Variants in SLCO1B1 observed in about 807,000 individuals in gnomAD.
SLCO1B1 encodes the protein OATP-2.
A neutral mutation model predicts 70.1 loss-of-function variants in SLCO1B1; 81 were observed. The ratio of observed to expected loss-of-function variants is 1.16; its 90% CI spans 0.97 to 1.39. The LOEUF is 1.39. Among genes scored for constraint, SLCO1B1 ranks in the 40% most tolerant of loss-of-function variants. The probability of loss-of-function intolerance (pLI) is 0.00; values close to 1 mark genes in which losing one functional copy is unlikely to be tolerated. For missense variants in SLCO1B1, 895 were observed against 799.6 expected, an observed-to-expected ratio of 1.12 and a Z score of -1.44; for synonymous variants, 283 against 271.5, an observed-to-expected ratio of 1.04 and a Z score of -0.42.
intron 2 of SLCO1B1, among the ~76,000 whole-genome samples, chr12:21,142,116 A>G (rs1302922292): frequency 6.6e-6 from 1 of 151,704 alleles, no homozygotes; most frequent in Non-Finnish European, 1.5e-5. Context: ...CTGATAAGTA[A>G]TTTAGGCTCA....
At chr12:21,198,374 A>C (rs867881114) in intron 8 of SLCO1B1, among the ~76,000 whole-genome samples, 2 of 152,108 alleles carry the variant, frequency 1.3e-5, no homozygotes, top group Admixed American at 6.6e-5. Context: ...TTAAAATTTA[A>C]CATTCACACT....
At position 21,232,313 on chromosome 12, in the gene SLCO1B1, C is replaced by T. The variant is rs114798748; in HGVS notation, c.1866-6666C>T. Among the ~76,000 whole-genome samples, 1,367 of 152,230 alleles carry T rather than the reference C, an allele frequency of 9.0e-3. 18 individuals carry two copies. The highest frequency in any genetic ancestry group is 0.03 in the African/African-American group (1,246 of 41,530). ...AAGCTTGCAAAGGCTTTTAACTGCT[C>T]GAGATAATTTTTAGAGCTAACTATG... On this transcript the variant is annotated intron_variant, in intron 14 of 14. Transcript: ENST00000256958.
chr12:21,134,091 C>T (rs554429522), intron 1 of SLCO1B1, among the ~76,000 whole-genome samples: 110 of 152,246 alleles, frequency 7.2e-4, no homozygotes, highest in African/African-American at 2.6e-3. Flanking sequence ...TTGAGATGAT[C>T]ATGTAGTTTT....
rs376996580 is a variant in SLCO1B1 at position 21,178,671 on chromosome 12, C to A, written c.577C>A (p.Leu193Ile). The A allele has an allele frequency of 6.2e-7, 1 of 1,606,556 alleles. No individual in the cohort carries two copies. The highest frequency in any genetic ancestry group is 8.5e-7 in the Non-Finnish European group (1 of 1,173,204). The change falls in exon 6 of 15, where the codon CTT (leucine) becomes ATT (isoleucine). Residue 193 changes from leucine (L) to isoleucine (I), a missense_variant. Coordinates refer to ENST00000256958, the MANE Select transcript of SLCO1B1 (RefSeq NM_006446.5). ...IGETPIVPLG[L>I]SYIDDFAKEG... ...GGAGACTCCCATAGTACCATTGGGG[C>A]TTTCTTACATTGATGATTTCGCTAA...
chr12:21,235,354 A>C (rs1032539842), intron 14 of SLCO1B1, among the ~76,000 whole-genome samples: 1 of 151,060 alleles, frequency 6.6e-6, no homozygotes, highest in African/African-American at 2.4e-5. Flanking sequence ...ATTTGATACA[A>C]AGAGAGGAAT....
At chr12:21,139,280 G>A (rs887764584) in intron 1 of SLCO1B1, among the ~76,000 whole-genome samples, 1 of 151,838 alleles carries the variant, frequency 6.6e-6, no homozygotes, top group Admixed American at 6.6e-5. Context: ...TTAATCAAAG[G>A]GCAGCTTATT....
intron 7 of SLCO1B1, among the ~76,000 whole-genome samples, chr12:21,192,690 T>C (rs1436134787): frequency 1.3e-5 from 2 of 152,028 alleles, no homozygotes; most frequent in Non-Finnish European, 2.9e-5. Flanking sequence ...TAGTTTAAGA[T>C]AATTCTTTAC....
chr12:21,226,035 C>T (rs77243804), intron 14 of SLCO1B1, among the ~76,000 whole-genome samples: 4,052 of 152,210 alleles, frequency 0.027, 98 homozygotes, highest in Non-Finnish European at 0.036. Flanking sequence ...GAAAATTATT[C>T]AGCAATAAAA....
intron 9 of SLCO1B1, among the ~76,000 whole-genome samples, chr12:21,201,714 A>G (rs1182484726): frequency 6.6e-6 from 1 of 152,130 alleles, no homozygotes; most frequent in Non-Finnish European, 1.5e-5. Flanking sequence ...TTATTTCCAG[A>G]AAAACAAAAT....
At chr12:21,147,692 T>C (rs1004516326) in intron 2 of SLCO1B1, among the ~76,000 whole-genome samples, 26 of 152,244 alleles carry the variant, frequency 1.7e-4, no homozygotes, top group African/African-American at 5.8e-4. Context: ...TTGATGGGCA[T>C]TTGGGTTGGT....
At chr12:21,232,493 C>T (rs78545516) in intron 14 of SLCO1B1, among the ~76,000 whole-genome samples, 8,163 of 152,130 alleles carry the variant, frequency 0.054, 245 homozygotes, top group African/African-American at 0.069. Context: ...AGTTTGTAAC[C>T]GACCAGCCCA....
intron 8 of SLCO1B1, 21 bp downstream of exon 8, chr12:21,197,209 G>T (rs987307031): frequency 5.6e-6 from 9 of 1,611,220 alleles, no homozygotes; most frequent in Non-Finnish European, 7.6e-6. Flanking sequence ...AACATTCATT[G>T]TCAATTTGGA....
At chr12:21,150,940 G>A (rs912249445) in intron 2 of SLCO1B1, among the ~76,000 whole-genome samples, 1 of 152,140 alleles carries the variant, frequency 6.6e-6, no homozygotes, top group African/African-American at 2.4e-5. Context: ...TGCGTTAAAA[G>A]TGATTACTGA....
chr12:21,199,854 T>C lies in SLCO1B1; in HGVS notation c.971-654T>C, dbSNP rs560752764. Among the ~76,000 whole-genome samples, 7 of 152,144 alleles carry C rather than the reference T, an allele frequency of 4.6e-5. No homozygotes were observed. The South Asian group carries it at 6.2e-4, about 14-fold the overall frequency. On this transcript the variant is annotated intron_variant, in intron 8 of 14. Coordinates refer to ENST00000256958, the MANE Select transcript of SLCO1B1 (RefSeq NM_006446.5). ...TGTTGCTCTATTGCCTAGGCTGGAG[T>C]GCAGTGTCACCATCTCAGCTCACTG...
chr12:21,154,936 G>T (rs1037297554), intron 2 of SLCO1B1, among the ~76,000 whole-genome samples: 10 of 151,842 alleles, frequency 6.6e-5, no homozygotes, highest in Admixed American at 3.9e-4. Flanking sequence ...TGTCTTTTGT[G>T]TACCCACTTT....
At chr12:21,147,829 C>T (rs984575131) in intron 2 of SLCO1B1, among the ~76,000 whole-genome samples, 5 of 152,176 alleles carry the variant, frequency 3.3e-5, no homozygotes, top group Non-Finnish European at 7.4e-5. Context: ...CTCCCACCAA[C>T]AGGGTAAAAG....
At chr12:21,177,243 C>T (rs1481071528) in intron 5 of SLCO1B1, among the ~76,000 whole-genome samples, 1 of 151,940 alleles carries the variant, frequency 6.6e-6, no homozygotes, top group Admixed American at 6.6e-5. Context: ...GTAACAAATT[C>T]CTTAATATAC....
chr12:21,211,080 A>G (rs1375261979), intron 11 of SLCO1B1, among the ~76,000 whole-genome samples: 2 of 152,348 alleles, frequency 1.3e-5, no homozygotes, highest in Non-Finnish European at 2.9e-5. Context: ...TGCCCTGGCC[A>G]GAACTTCCAA....
chr12:21,135,280 T>C (rs1386620951), intron 1 of SLCO1B1, among the ~76,000 whole-genome samples: 2 of 152,162 alleles, frequency 1.3e-5, no homozygotes, highest in South Asian at 4.1e-4. Flanking sequence ...AGAGTAGGTG[T>C]GGTGTGGTGC....
Sources: gnomAD v4.1 joint callset for allele counts (sites outside exome capture counted in the v4.1 genomes callset) on GRCh38, gnomAD v4.1.1 for gene constraint, MANE v1.5 for transcripts, NCBI Gene and HGNC (gene_info 2026-07-23, HGNC 2026-07-21) for gene names.